RNF214: variants seen among roughly 807,000 people sequenced by gnomAD.
RNF214 encodes the protein ring finger protein 214.
A neutral mutation model predicts 75.9 loss-of-function variants in RNF214; 25 were observed. The observed-to-expected ratio is 0.33, with a 90% CI of 0.24 to 0.46. The LOEUF (loss-of-function observed/expected upper bound fraction) is 0.46, where lower values mean the gene tolerates loss of function less well. Among genes scored for constraint, RNF214 ranks in the 20% least tolerant of loss-of-function variants. The pLI is 1.00. For synonymous variants in RNF214, 314 were observed against 308.8 expected (o/e 1.02, Z -0.18); for missense variants, 725 against 857.5 (o/e 0.85, Z 1.93).
intron 6 of RNF214, among the ~76,000 whole-genome samples, chr11:117,254,789 A>G (rs1310183238): frequency 6.6e-6 from 1 of 151,872 alleles, no homozygotes; most frequent in African/African-American, 2.4e-5. Context: ...ATGCCCGGCT[A>G]ATTTTTTATA....
Position 117,234,293 on chromosome 11 carries a change from T to C in RNF214, c.21T>C (p.Ala7=). Residue 7 remains alanine, a synonymous_variant, in exon 2 of 15, where the codon GCT becomes GCC. Coordinates refer to ENST00000300650, the MANE Select transcript of RNF214 (RefSeq NM_207343.4). MAASEV[A]GVVANAPSPP... The stretch of plus-strand genomic sequence containing the variant: ...GCATAATGGCAGCGTCTGAGGTTGC[T>C]GGTGTTGTGGCCAATGCCCCCAGTC... 6.2e-7 allele frequency: 1 copy of C among 1,614,160 alleles called. No homozygotes were observed. Among genetic ancestry groups the C allele is most frequent in the Non-Finnish European group, 8.5e-7 (1 of 1,179,938 alleles).
intron 4 of RNF214, among the ~76,000 whole-genome samples, chr11:117,243,070 C>T (rs1231692847): frequency 6.6e-6 from 1 of 152,238 alleles, no homozygotes; most frequent in African/African-American, 2.4e-5. Flanking sequence ...AGTCACATTT[C>T]AGTACATGGA....
intron 14 of RNF214, among the ~76,000 whole-genome samples, chr11:117,284,388 G>C (rs2034198309): frequency 6.6e-6 from 1 of 152,126 alleles, no homozygotes; most frequent in African/African-American, 2.4e-5. Context: ...GCTTTTCCAA[G>C]AGGTAGAAAC....
rs376142886 is a variant in RNF214 at position 117,252,663 on chromosome 11, T to C, written c.959+5715T>C. Among the ~76,000 whole-genome samples, 24 of 151,126 alleles carry C rather than the reference T, an allele frequency of 1.6e-4. No individual in the cohort carries two copies. The South Asian group carries it at 4.6e-3, about 29-fold the overall frequency. On this transcript the variant is annotated intron_variant, in intron 6 of 14. Coordinates refer to ENST00000300650, the MANE Select transcript of RNF214 (RefSeq NM_207343.4). The stretch of plus-strand genomic sequence containing the variant: ...AGCCTCCCGAGTAGCTGGGACTACA[T>C]GTGCCTGCCACCACGCCCAGCTCAT...
At chr11:117,236,308 C>G (rs2032909283) in intron 2 of RNF214, among the ~76,000 whole-genome samples, 1 of 150,468 alleles carries the variant, frequency 6.6e-6, no homozygotes, top group South Asian at 2.1e-4. Flanking sequence ...GCATCTTGCT[C>G]CGTCACCCAG....
At chr11:117,283,375 G>T (rs595297) in intron 14 of RNF214, among the ~76,000 whole-genome samples, 165 bp downstream of exon 14, 128,496 of 151,752 alleles carry the variant, frequency 0.85, 54,314 homozygotes, top group East Asian at 0.91. Context: ...GTTTTGTTTT[G>T]TTTTAGACAG....
chr11:117,260,118 T>G (rs181079973), intron 6 of RNF214, among the ~76,000 whole-genome samples: 3 of 151,944 alleles, frequency 2.0e-5, no homozygotes, highest in African/African-American at 2.4e-5. Context: ...AACATTGGAA[T>G]GTGTGTTTGT....
At chr11:117,270,313 A>G (rs1408083884) in intron 6 of RNF214, among the ~76,000 whole-genome samples, 1 of 133,310 alleles carries the variant, frequency 7.5e-6, no homozygotes, top group Non-Finnish European at 1.5e-5. Flanking sequence ...GCTGCAGTAT[A>G]GTAGCACGAT....
intron 4 of RNF214, among the ~76,000 whole-genome samples, chr11:117,240,386 A>T (rs372613415): frequency 4.7e-4 from 63 of 132,806 alleles, no homozygotes; most frequent in South Asian, 2.0e-3. Flanking sequence ...AAAAAAATTA[A>T]AAAAAAAAAA....
chr11:117,244,215 A>C (rs924874673), intron 4 of RNF214, among the ~76,000 whole-genome samples: 1 of 152,144 alleles, frequency 6.6e-6, no homozygotes. Flanking sequence ...CCCTGAATGC[A>C]AGTGATCCGC....
intron 6 of RNF214, among the ~76,000 whole-genome samples, chr11:117,255,306 T>G (rs1231663541): frequency 6.6e-6 from 1 of 152,174 alleles, no homozygotes; most frequent in Non-Finnish European, 1.5e-5. Context: ...TCTACCTGTG[T>G]GTGCATCCCA....
intron 8 of RNF214, among the ~76,000 whole-genome samples, 171 bp from the exon 9 acceptor site, chr11:117,281,143 T>A (rs1168985630): frequency 6.6e-6 from 1 of 151,684 alleles, no homozygotes; most frequent in Non-Finnish European, 1.5e-5. Flanking sequence ...CCTGGCTAAT[T>A]TTGCATTTTT....
At chr11:117,237,329 C>T (rs1020579979) in intron 2 of RNF214, among the ~76,000 whole-genome samples, 5 of 152,240 alleles carry the variant, frequency 3.3e-5, no homozygotes, top group African/African-American at 1.2e-4. Context: ...GATCCTCCTG[C>T]CTTGACCTCC....
chr11:117,270,241 C>CTT lies in RNF214; in HGVS notation c.960-9642_960-9641dup, dbSNP rs57144374. ...TTTCAATTTTCTTTTCTTTTCTTTT[C>CTT]TTTTTTTTTTTTTTTTTTTTTTTTT... On this transcript the variant is annotated intron_variant, in intron 6 of 14. Transcript: ENST00000300650. Among the ~76,000 whole-genome samples the CTT allele has an allele frequency of 1.1e-3, 87 of 75,868 alleles. 4 individuals carry two copies. Among genetic ancestry groups the CTT allele is most frequent in the African/African-American group, 3.7e-3 (65 of 17,760 alleles). The allele number at this position is 75,868 out of a possible 152,430, so 49.8% of individuals were successfully genotyped here.
intron 4 of RNF214, among the ~76,000 whole-genome samples, chr11:117,243,987 C>T (rs957173661): frequency 2.0e-5 from 3 of 152,104 alleles, no homozygotes; most frequent in Non-Finnish European, 4.4e-5. Context: ...ATCATGTTCC[C>T]GGACGCTTTT....
At chr11:117,276,775 A>G (rs181609600) in intron 6 of RNF214, among the ~76,000 whole-genome samples, 33 of 152,320 alleles carry the variant, frequency 2.2e-4, no homozygotes, top group Non-Finnish European at 4.1e-4. Flanking sequence ...ATATAAGTTT[A>G]TATTTGTAGT....
chr11:117,245,603 A>G (rs1017776898), intron 5 of RNF214, among the ~76,000 whole-genome samples: 3 of 151,934 alleles, frequency 2.0e-5, no homozygotes, highest in Admixed American at 6.6e-5. Flanking sequence ...CGGCCCCCCA[A>G]AGTGCTGGGA....
intron 5 of RNF214, 58 bp downstream of exon 5, chr11:117,244,643 TA>T: frequency 7.5e-7 from 1 of 1,335,908 alleles, no homozygotes; most frequent in East Asian, 2.6e-5. Context: ...GATCAAACTT[TA>T]ATTTTTTAAA....
At position 117,238,896 on chromosome 11, in the gene RNF214, C is replaced by G. The variant is rs767708238; in HGVS notation, c.403C>G (p.Leu135Val). The G allele has an allele frequency of 6.2e-7, 1 of 1,614,188 alleles. No homozygotes were observed. ...RESLHPVTRS[L>V]KAGCHTKQLA... ...GAGCCTCCATCCAGTCACTCGGTCT[C>G]TTAAGGCAGGGTGCCATACTAAGCA... The change falls in exon 3 of 15, where the codon CTT (leucine) becomes GTT (valine). Residue 135 changes from leucine (L) to valine (V), a missense_variant. Transcript: ENST00000300650.
Sources: gnomAD v4.1 joint callset for allele counts (sites outside exome capture counted in the v4.1 genomes callset) on GRCh38, gnomAD v4.1.1 for gene constraint, MANE v1.5 for transcripts, NCBI Gene and HGNC (gene_info 2026-07-23, HGNC 2026-07-21) for gene names.